The following HDAC4 variants were observed in gnomAD, a reference collection of about 807,000 sequenced individuals.
HDAC4 encodes the protein histone deacetylase 4.
Under a neutral mutation model 135.1 loss-of-function variants are expected in HDAC4, and 16 were observed. The observed-to-expected ratio is 0.12, with a 90% CI of 0.08 to 0.18. The LOEUF is 0.18. Among genes scored for constraint, HDAC4 ranks in the 10% least tolerant of loss-of-function variants. The pLI, the probability that HDAC4 is intolerant of heterozygous loss-of-function variation, is 1.00. For synonymous variants in HDAC4, 685 were observed against 653.4 expected (o/e 1.05, Z -0.74); for missense variants, 1,143 against 1,511.8 (o/e 0.76, Z 4.05).
Position 239,126,437 on chromosome 2 carries a change from G to T in HDAC4, c.1533+19C>A. 1 of 1,613,170 alleles carries T rather than the reference G, an allele frequency of 6.2e-7. No individual in the cohort carries two copies. Among genetic ancestry groups the T allele is most frequent in the Non-Finnish European group, 8.5e-7 (1 of 1,179,990 alleles). On this transcript the variant is annotated intron_variant, in intron 12 of 26. Coordinates refer to ENST00000543185, the MANE Select transcript of HDAC4 (RefSeq NM_001378414.1). ...CACAGCCGCCCTGGGGCCTGGGAGCGCTGAGCCGGCAAACCCACCTTGTTC... is the reference window on the plus strand; with the variant it reads ...CACAGCCGCCCTGGGGCCTGGGAGCTCTGAGCCGGCAAACCCACCTTGTTC...
intron 18 of HDAC4, 148 bp from the exon 19 acceptor site, chr2:239,087,762 G>A: frequency 1.3e-6 from 1 of 765,928 alleles, no homozygotes; most frequent in Admixed American, 2.0e-5. Context: ...GATGGGGACA[G>A]GATGCAGGGC....
chr2:239,397,611 C>G (rs1195881022), intron 1 of HDAC4, among the ~76,000 whole-genome samples: 1 of 152,150 alleles, frequency 6.6e-6, no homozygotes, highest in Non-Finnish European at 1.5e-5. Context: ...AGTGAGGCTG[C>G]AGCAAGGGGA....
chr2:239,322,142 G>A (rs1016867978), intron 2 of HDAC4, among the ~76,000 whole-genome samples: 9 of 152,224 alleles, frequency 5.9e-5, no homozygotes, highest in Non-Finnish European at 1.3e-4. Context: ...AGAGGCCAAA[G>A]TGAAGTTACA....
chr2:239,053,847 C>T (rs912996584), intron 25 of HDAC4, among the ~76,000 whole-genome samples: 4 of 152,178 alleles, frequency 2.6e-5, no homozygotes, highest in South Asian at 2.1e-4. Flanking sequence ...GCAGGCCCAC[C>T]TAGGACTGCA....
At chr2:239,190,142 C>A in intron 3 of HDAC4, 65 bp from the exon 4 acceptor site, 19 of 1,552,934 alleles carry the variant, frequency 1.2e-5, no homozygotes, top group Non-Finnish European at 1.6e-5. Flanking sequence ...GCCCCAGAGC[C>A]CCCACCCAAC....
intron 3 of HDAC4, among the ~76,000 whole-genome samples, chr2:239,227,485 G>T (rs1284577085): frequency 6.6e-6 from 1 of 152,144 alleles, no homozygotes; most frequent in South Asian, 2.1e-4. Flanking sequence ...TGCAGGTCCC[G>T]CCAGCCTCAG....
intron 19 of HDAC4, among the ~76,000 whole-genome samples, chr2:239,085,122 C>T (rs757922013): frequency 6.6e-6 from 1 of 151,916 alleles, no homozygotes; most frequent in African/African-American, 2.4e-5. Context: ...AACCCTATTT[C>T]ACATGTTACC....
At chr2:239,263,336 C>T (rs2049501191) in intron 2 of HDAC4, among the ~76,000 whole-genome samples, 1 of 147,020 alleles carries the variant, frequency 6.8e-6, no homozygotes, top group Non-Finnish European at 1.5e-5. Flanking sequence ...CCCATCCCAG[C>T]CCCTTGCACA....
At chr2:239,063,883 AGGCCCCATG>A (rs1034231604) in intron 24 of HDAC4, among the ~76,000 whole-genome samples, 1 of 152,162 alleles carries the variant, frequency 6.6e-6, no homozygotes, top group Admixed American at 6.5e-5. Context: ...GTCTGGGTCA[AGGCCCCATG>A]GGCCCCATGG....
rs539102730 is a variant in HDAC4 at position 239,344,076 on chromosome 2, A to G, written c.22+8602T>C. Among the ~76,000 whole-genome samples, 22 of 152,260 alleles carry G rather than the reference A, an allele frequency of 1.4e-4. 1 individual carries two copies. The South Asian group carries it at 4.3e-3, about 30-fold the overall frequency. ...TTATTATGATGAGTTTTGAACACCT[A>G]TGGTCAAGTAGAGCCAGACCTTTGA... On this transcript the variant is annotated intron_variant, in intron 2 of 26. Transcript: ENST00000543185.
intron 4 of HDAC4, among the ~76,000 whole-genome samples, chr2:239,185,313 T>A (rs34152470): frequency 0.27 from 41,169 of 151,524 alleles, 6,118 homozygotes; most frequent in East Asian, 0.47. Context: ...GGGTGCCCTG[T>A]ATCTCCTGGG....
rs1442410743 is a variant in HDAC4, at chr2:239,070,933, T to G, written c.2751-2326A>C. The stretch of plus-strand genomic sequence containing the variant: ...TGTCAATGCAGTCTCTGTTGTTTTT[T>G]TTTTTTTTTTTTACATTAAATGAAG... On this transcript the variant is annotated intron_variant, in intron 22 of 26. Coordinates refer to ENST00000543185, the MANE Select transcript of HDAC4 (RefSeq NM_001378414.1). Among the ~76,000 whole-genome samples the G allele has an allele frequency of 2.6e-4, 40 of 151,382 alleles. 1 individual carries two copies. Among genetic ancestry groups the G allele is most frequent in the Admixed American group, 2.3e-3 (35 of 15,226 alleles).
Position 239,115,185 on chromosome 2 carries a change from C to T in HDAC4, c.1659G>A (p.Lys553=). The T allele has an allele frequency of 6.2e-7, 1 of 1,611,176 alleles. No individual in the cohort carries two copies. The highest frequency in any genetic ancestry group is 8.5e-7 in the Non-Finnish European group (1 of 1,179,940). ...GCACGCCGGCCTGTGCGTGCGCCTC[C>T]TTCTGCCCCGGCAGCCGGTCCAGGT... The part of the protein sequence containing the change: ...EPYLDRLPGQ[K]EAHAQAGVQV... The change falls in exon 13 of 27, where the codon AAG becomes AAA. Residue 553 remains lysine (K), a synonymous_variant. Transcript: ENST00000543185. This position sits in a 1 kb window ranked among gnomAD's most constrained non-coding sequence, Gnocchi z 6.3.
Position 239,144,656 on chromosome 2 carries a change from C to T in HDAC4, c.792G>A (p.Arg264=). 3 of 1,614,202 alleles carry T rather than the reference C, an allele frequency of 1.9e-6. No individual in the cohort carries two copies. Among genetic ancestry groups the T allele is most frequent in the African/African-American group, 1.3e-5 (1 of 75,052 alleles). ...CTTTCCTGCGTAACAGGGGGCTGCT[C>T]CGTCTTTCGGCCACTTTCTGCTTTA... ...SRLKQKVAER[R]SSPLLRRKDG... Residue 264 remains arginine, a synonymous_variant, in exon 8 of 27, where the codon CGG becomes CGA. Transcript: ENST00000543185.
At position 239,308,074 on chromosome 2, in the gene HDAC4, G is replaced by A. The variant is rs2052694493; in HGVS notation, c.22+44604C>T. Among the ~76,000 whole-genome samples, 3 of 152,128 alleles carry A rather than the reference G, an allele frequency of 2.0e-5. No individual in the cohort carries two copies. Among genetic ancestry groups the A allele is most frequent in the African/African-American group, 4.8e-5 (2 of 41,432 alleles). On this transcript the variant is annotated intron_variant, in intron 2 of 26. Coordinates refer to ENST00000543185, the MANE Select transcript of HDAC4 (RefSeq NM_001378414.1). The surrounding 1 kb of genome is among the most constrained non-coding windows in gnomAD (Gnocchi z 4.2). The stretch of plus-strand genomic sequence containing the variant: ...CATCCCACCCCCAACGGTGAGAGCC[G>A]GGCCCATCACAAGCCCTCTCTGGGC...
intron 4 of HDAC4, among the ~76,000 whole-genome samples, chr2:239,177,986 G>A (rs2043879026): frequency 6.6e-6 from 1 of 152,178 alleles, no homozygotes; most frequent in South Asian, 2.1e-4. Flanking sequence ...CTCTGTCCTG[G>A]GACCCAACCC....
chr2:239,382,247 G>C (rs924712613), intron 1 of HDAC4, among the ~76,000 whole-genome samples: 2 of 152,234 alleles, frequency 1.3e-5, no homozygotes, highest in Non-Finnish European at 2.9e-5. Context: ...TAAATGAATA[G>C]AATTAATGGA....
At chr2:239,277,854 C>T (rs2050463267) in intron 2 of HDAC4, among the ~76,000 whole-genome samples, 1 of 152,210 alleles carries the variant, frequency 6.6e-6, no homozygotes. Flanking sequence ...CTGCCGGAAA[C>T]AAATAACTGA....
intron 2 of HDAC4, among the ~76,000 whole-genome samples, chr2:239,317,766 C>A (rs2053167749): frequency 6.6e-6 from 1 of 152,190 alleles, no homozygotes; most frequent in African/African-American, 2.4e-5. Context: ...GAAACCGCAA[C>A]TTTAAGCCAA....
Sources: allele counts gnomAD v4.1 joint callset (sites outside exome capture counted in the v4.1 genomes callset), GRCh38; gene constraint gnomAD v4.1.1; non-coding constraint Gnocchi (gnomAD v3.1); transcripts MANE v1.5; gene names NCBI Gene and HGNC (gene_info 2026-07-23, HGNC 2026-07-21).